The following NCKAP1L variants were observed in gnomAD, a reference collection of about 807,000 sequenced individuals.
The protein encoded by NCKAP1L is nck-associated protein 1-like.
A neutral mutation model predicts 139.2 loss-of-function variants in NCKAP1L; 53 were observed. The ratio of observed to expected loss-of-function variants is 0.38; its 90% CI spans 0.31 to 0.48. The LOEUF (loss-of-function observed/expected upper bound fraction) is 0.48, where lower values mean the gene tolerates loss of function less well. NCKAP1L is among the 20% of genes least tolerant of loss of function. The probability of loss-of-function intolerance (pLI) is 0.98; values close to 1 mark genes in which losing one functional copy is unlikely to be tolerated. For synonymous variants in NCKAP1L, 468 were observed against 499.7 expected (o/e 0.94, Z 0.85); for missense variants, 1,151 against 1,381.9 (o/e 0.83, Z 2.65).
At chr12:54,508,317 T>C (rs1216854892) in intron 4 of NCKAP1L, 72 bp from the exon 5 acceptor site, 12 of 1,423,228 alleles carry the variant, frequency 8.4e-6, no homozygotes, top group African/African-American at 2.8e-5. Context: ...CTGTCCAGAG[T>C]GGTTGGGGAA....
chr12:54,533,263 C>T (rs144601598), intron 26 of NCKAP1L, among the ~76,000 whole-genome samples: 73 of 152,314 alleles, frequency 4.8e-4, no homozygotes, highest in Middle Eastern at 3.4e-3. Context: ...TAGCTCCAAT[C>T]TTTAGGCTCT....
intron 13 of NCKAP1L, 37 bp downstream of exon 13, chr12:54,517,975 G>C (rs1174217841): frequency 6.2e-7 from 1 of 1,611,256 alleles, no homozygotes; most frequent in Admixed American, 1.7e-5. Flanking sequence ...GGAAATTTCA[G>C]GATGATCCCT....
At chr12:54,502,648 A>C (rs1381991615) in intron 3 of NCKAP1L, among the ~76,000 whole-genome samples, 1 of 152,020 alleles carries the variant, frequency 6.6e-6, no homozygotes, top group Non-Finnish European at 1.5e-5. Context: ...AGGAAATCAT[A>C]CACAGGAAAT....
At chr12:54,542,465 A>G (rs1341699045) in intron 30 of NCKAP1L, 110 bp from the exon 31 acceptor site, 2 of 790,156 alleles carry the variant, frequency 2.5e-6, no homozygotes, top group Non-Finnish European at 4.3e-6. Flanking sequence ...AACCCTGTTC[A>G]CTTGTAACTC....
chr12:54,520,791 T>C lies in NCKAP1L; in HGVS notation c.1723T>C (p.Phe575Leu). ...AIAFPLICAH[F>L]VHCTHEMCPE... is the part of the protein sequence containing the mutation. ...TGCTTTCCCCCTGATTTGTGCTCAC[T>C]TTGTCCACTGCACTCATGAGATGTG... Residue 575 changes from phenylalanine to leucine, a missense_variant, in exon 17 of 31, where the codon TTT (phenylalanine) becomes CTT (leucine). Phe to Leu is a conservative substitution (Grantham distance 22). Coordinates refer to ENST00000293373, the MANE Select transcript of NCKAP1L (RefSeq NM_005337.5). 1 of 1,614,136 alleles carries C rather than the reference T, an allele frequency of 6.2e-7. No individual in the cohort carries two copies. The highest frequency in any genetic ancestry group is 8.5e-7 in the Non-Finnish European group (1 of 1,180,026).
At chr12:54,541,332 T>C (rs1305162498) in intron 30 of NCKAP1L, among the ~76,000 whole-genome samples, 2 of 152,238 alleles carry the variant, frequency 1.3e-5, no homozygotes, top group African/African-American at 4.8e-5. Context: ...TCCACTCCCG[T>C]AAACTTCTGC....
At position 54,521,181 on chromosome 12, in the gene NCKAP1L, G is replaced by A. The variant is rs1316119130; in HGVS notation, c.1821G>A (p.Lys607=). The change falls in exon 18 of 31, where the codon AAG becomes AAA. Residue 607 remains lysine (K), a synonymous_variant. Transcript: ENST00000293373. ...HCNSFLEELA[K]QTSNCVLEIC... ...ACTCCTTCCTGGAAGAGTTGGCCAA[G>A]CAGACCAGCAATTGCGTCCTGGAGA... 6.8e-6 allele frequency: 11 copies of A among 1,614,154 alleles called. No homozygotes were observed. The East Asian group carries it at 1.6e-4, about 23-fold the overall frequency.
At chr12:54,531,961 G>A in intron 25 of NCKAP1L, 136 bp downstream of exon 25, 2 of 834,120 alleles carry the variant, frequency 2.4e-6, no homozygotes, top group Non-Finnish European at 3.8e-6. Context: ...ATTGAGAAGA[G>A]GGAGAGTAAT....
chr12:54,519,283 G>A lies in NCKAP1L; in HGVS notation c.1576G>A (p.Asp526Asn). ...NLIVFHSRML[D>N]SVEKLLVETS... Reference sequence around the variant, plus strand: ...CATTGTCTTCCACTCCCGAATGCTGGACTCCGTAGAAAAATTGCTGGTGGA... The same window carrying A: ...CATTGTCTTCCACTCCCGAATGCTGAACTCCGTAGAAAAATTGCTGGTGGA... Residue 526 changes from aspartate to asparagine, a missense_variant, in exon 16 of 31, where the codon GAC becomes AAC. Coordinates refer to ENST00000293373, the MANE Select transcript of NCKAP1L (RefSeq NM_005337.5). 6.3e-7 allele frequency: 1 copy of A among 1,588,798 alleles called. No homozygotes were observed. The highest frequency in any genetic ancestry group is 8.5e-7 in the Non-Finnish European group (1 of 1,173,504).
At chr12:54,515,080 C>T (rs1176710410) in intron 9 of NCKAP1L, among the ~76,000 whole-genome samples, 1 of 152,148 alleles carries the variant, frequency 6.6e-6, no homozygotes, top group Non-Finnish European at 1.5e-5. Flanking sequence ...AATGGAGGCT[C>T]AGTCTCAGTG....
Position 54,509,712 on chromosome 12 carries a change from G to T in NCKAP1L, c.550G>T (p.Asp184Tyr). The change falls in exon 6 of 31, where the codon GAC becomes TAC. Residue 184 changes from aspartate (D) to tyrosine (Y), a missense_variant. Transcript: ENST00000293373. ...ARLGQMVLEY[D>Y]HPLKKLTEEF... The stretch of plus-strand genomic sequence containing the variant: ...TCTGGGTCAGATGGTCTTGGAGTAT[G>T]ACCACCCTCTGAAGAAGCTGACAGA... 2 of 1,614,156 alleles carry T rather than the reference G, an allele frequency of 1.2e-6. No homozygotes were observed. The highest frequency in any genetic ancestry group is 2.2e-5 in the South Asian group (2 of 91,052).
chr12:54,527,316 A>G (rs2120945300), intron 21 of NCKAP1L, among the ~76,000 whole-genome samples: 1 of 152,330 alleles, frequency 6.6e-6, no homozygotes, highest in East Asian at 1.9e-4. Flanking sequence ...ACCCAAAATC[A>G]GCTCAGTAGG....
At position 54,525,554 on chromosome 12, in the gene NCKAP1L, T is replaced by C. The variant is rs141310815; in HGVS notation, c.2157-974T>C. ...GTTTTACCCGAATAATCTCTGATACTTGCTTCACTGACATCATTGTTCCCA... is the reference window on the plus strand; with the variant it reads ...GTTTTACCCGAATAATCTCTGATACCTGCTTCACTGACATCATTGTTCCCA... On this transcript the variant is annotated intron_variant, in intron 20 of 30. Transcript: ENST00000293373. Among the ~76,000 whole-genome samples the C allele has an allele frequency of 3.1e-4, 47 of 152,312 alleles. No individual in the cohort carries two copies. The South Asian group carries it at 6.4e-3, about 21-fold the overall frequency.
intron 28 of NCKAP1L, 144 bp from the exon 29 acceptor site, chr12:54,536,800 C>T: frequency 1.7e-6 from 1 of 579,610 alleles, no homozygotes; most frequent in Non-Finnish European, 3.1e-6. Context: ...TGCCTCTAAT[C>T]TCAAAATGCC....
chr12:54,540,964 G>A (rs116589288), intron 30 of NCKAP1L, among the ~76,000 whole-genome samples: 1 of 152,222 alleles, frequency 6.6e-6, no homozygotes, highest in Non-Finnish European at 1.5e-5. Flanking sequence ...ATGACCGAAG[G>A]TGAAGGAGCT....
chr12:54,514,957 C>T (rs1956919122), intron 9 of NCKAP1L, among the ~76,000 whole-genome samples: 1 of 152,212 alleles, frequency 6.6e-6, no homozygotes, highest in African/African-American at 2.4e-5. Context: ...TCACTAAGAG[C>T]AGCAACTAAC....
At chr12:54,531,923 A>G (rs555831012) in intron 25 of NCKAP1L, 98 bp downstream of exon 25, 9 of 1,076,342 alleles carry the variant, frequency 8.4e-6, no homozygotes, top group Non-Finnish European at 1.2e-5. Context: ...ATCAGTTTTA[A>G]CTTCTGCTTC....
At chr12:54,514,771 A>G (rs1350022132) in intron 9 of NCKAP1L, among the ~76,000 whole-genome samples, 1 of 152,214 alleles carries the variant, frequency 6.6e-6, no homozygotes, top group Admixed American at 6.5e-5. Context: ...GATTTCTCAC[A>G]CTCTCAACAA....
At chr12:54,509,113 A>G (rs1241715153) in intron 5 of NCKAP1L, among the ~76,000 whole-genome samples, 4 of 152,232 alleles carry the variant, frequency 2.6e-5, no homozygotes, top group African/African-American at 9.6e-5. Flanking sequence ...ATGCGTGATA[A>G]TACATTTGAA....
Sources: allele counts gnomAD v4.1 joint callset (sites outside exome capture counted in the v4.1 genomes callset), GRCh38; gene constraint gnomAD v4.1.1; transcripts MANE v1.5; gene names NCBI Gene and HGNC (gene_info 2026-07-23, HGNC 2026-07-21).